Variants in CHD2 observed in about 807,000 individuals in gnomAD.
CHD2 encodes chromodomain helicase DNA binding protein 2.
CHD2 carries 28 observed loss-of-function variants against 243.9 expected under a neutral mutation model. The ratio of observed to expected loss-of-function variants is 0.11; its 90% CI spans 0.09 to 0.16. The LOEUF is 0.16. CHD2 is among the 10% of genes least tolerant of loss of function. The pLI is 1.00. For synonymous variants in CHD2, 775 were observed against 779.0 expected, an observed-to-expected ratio of 0.99 and a Z score of 0.09; for missense variants, 1,386 against 2,209.8, an observed-to-expected ratio of 0.63 and a Z score of 7.47.
intron 2 of CHD2, among the ~76,000 whole-genome samples, chr15:92,917,520 C>T (rs1234490291): frequency 6.6e-6 from 1 of 152,182 alleles, no homozygotes; most frequent in Non-Finnish European, 1.5e-5. Flanking sequence ...GAGATCACGC[C>T]ACTGCACTCC....
At chr15:92,935,462 T>C (rs2053250195) in intron 5 of CHD2, among the ~76,000 whole-genome samples, 1 of 152,250 alleles carries the variant, frequency 6.6e-6, no homozygotes, top group African/African-American at 2.4e-5. Flanking sequence ...TCTGCTATAC[T>C]TATAGAAGTG....
chr15:93,015,149 G>A (rs1269182168), intron 37 of CHD2, among the ~76,000 whole-genome samples: 1 of 152,008 alleles, frequency 6.6e-6, no homozygotes, highest in African/African-American at 2.4e-5. Context: ...CACAATCTCG[G>A]CTCACTGCAA....
chr15:92,985,752 C>A (rs372585827), intron 26 of CHD2, 79 bp downstream of exon 26: 3 of 1,439,572 alleles, frequency 2.1e-6, no homozygotes, highest in Non-Finnish European at 2.8e-6. Flanking sequence ...TCCTGGACAT[C>A]GTGACAGGGT....
At chr15:92,918,409 T>C (rs1277003546) in intron 2 of CHD2, among the ~76,000 whole-genome samples, 1 of 152,214 alleles carries the variant, frequency 6.6e-6, no homozygotes, top group Admixed American at 6.5e-5. Flanking sequence ...ATTATAAAAG[T>C]TGTTTGCAAT....
At chr15:93,009,527 C>T (rs969279871) in intron 35 of CHD2, among the ~76,000 whole-genome samples, 4 of 152,142 alleles carry the variant, frequency 2.6e-5, no homozygotes, top group South Asian at 2.1e-4. Flanking sequence ...AGGGGTAGGA[C>T]GATGTCATTA....
intron 3 of CHD2, among the ~76,000 whole-genome samples, chr15:92,925,985 A>C (rs1331838029): frequency 6.6e-6 from 1 of 152,104 alleles, no homozygotes; most frequent in African/African-American, 2.4e-5. Context: ...ATTTTTCATA[A>C]AGATGAGACA....
chr15:92,952,336 G>A (rs934922175), intron 13 of CHD2, among the ~76,000 whole-genome samples: 1 of 152,108 alleles, frequency 6.6e-6, no homozygotes, highest in South Asian at 2.1e-4. Context: ...GAGGAGGGAG[G>A]GGGATGGTTT....
At chr15:92,995,983 T>G (rs1301592988) in intron 28 of CHD2, among the ~76,000 whole-genome samples, 2 of 152,114 alleles carry the variant, frequency 1.3e-5, no homozygotes. Flanking sequence ...TCTCTAAGGG[T>G]CACTTGCATT....
At chr15:92,924,724 T>C (rs1323362850) in intron 3 of CHD2, among the ~76,000 whole-genome samples, 172 bp downstream of exon 3, 1 of 152,208 alleles carries the variant, frequency 6.6e-6, no homozygotes, top group Non-Finnish European at 1.5e-5. Context: ...CTTTCTGCTC[T>C]ATTAAGGAAA....
intron 36 of CHD2, among the ~76,000 whole-genome samples, chr15:93,013,511 GGAGAATTCAGCAA>G (rs1162720598): frequency 6.6e-6 from 1 of 152,180 alleles, no homozygotes; most frequent in African/African-American, 2.4e-5. Context: ...CCTTTCTGGA[GGAGAATTCAGCAA>G]GATTTATTAA....
In CHD2 at chr15:92,920,554, T is replaced by C. The variant is rs533460240; in HGVS notation, c.63-3767T>C. Among the ~76,000 whole-genome samples the C allele has an allele frequency of 2.0e-5, 3 of 152,344 alleles. No homozygotes were observed. In the East Asian group the frequency reaches 5.8e-4, roughly 29 times the overall value. ...CACAGAACACTATAAACATTTCTAG[T>C]TGGGCTGTTCTAGTTATCTTCAGTA... is the stretch of plus-strand genomic sequence containing the variant. On this transcript the variant is annotated intron_variant, in intron 2 of 38. Transcript: ENST00000394196.
intron 9 of CHD2, chr15:92,943,294 T>G (rs751993297): frequency 9.0e-5 from 46 of 510,542 alleles, no homozygotes; most frequent in Non-Finnish European, 1.3e-4. Flanking sequence ...TGGAGCGTTA[T>G]TCACACATTC....
chr15:92,980,549 A>G (rs755155156), intron 22 of CHD2, among the ~76,000 whole-genome samples: 36 of 152,210 alleles, frequency 2.4e-4, no homozygotes, highest in African/African-American at 8.4e-4. Context: ...GCTCCATTCT[A>G]TAACATTGCT....
chr15:93,004,443 T>G, intron 33 of CHD2, 174 bp from the exon 34 acceptor site: 1 of 494,790 alleles, frequency 2.0e-6, no homozygotes. Flanking sequence ...GTGAGTAAGC[T>G]GCTAATCAGA....
At chr15:92,930,849 C>T (rs1313134321) in intron 5 of CHD2, among the ~76,000 whole-genome samples, 1 of 152,160 alleles carries the variant, frequency 6.6e-6, no homozygotes, top group Admixed American at 6.5e-5. Context: ...CATATTGCTT[C>T]CCTACCCTAG....
intron 2 of CHD2, among the ~76,000 whole-genome samples, chr15:92,908,194 C>G (rs1481087962): frequency 6.6e-6 from 1 of 151,744 alleles, no homozygotes; most frequent in Non-Finnish European, 1.5e-5. Context: ...TCTCATTTCC[C>G]CTCTCAAGCT....
chr15:92,924,324 C>T lies in CHD2; in HGVS notation c.66C>T (p.His22=), dbSNP rs2141745833. ...DSSLHSNASS[H]SASEEASGSD... is the part of the protein sequence containing the mutation. The stretch of plus-strand genomic sequence containing the variant: ...TCTCTCTCTCTCTCAAAATAAGTCA[C>T]TCAGCCTCTGAAGAAGCTTCGGGTT... Residue 22 remains histidine (H), a synonymous_variant, in exon 3 of 39, where the codon CAC becomes CAT. Transcript: ENST00000394196. 11 of 1,613,490 alleles carry T rather than the reference C, an allele frequency of 6.8e-6. No individual in the cohort carries two copies. Among genetic ancestry groups the T allele is most frequent in the Non-Finnish European group, 9.3e-6 (11 of 1,179,754 alleles).
chr15:92,904,046 C>G (rs1381305274), intron 2 of CHD2, among the ~76,000 whole-genome samples: 1 of 152,182 alleles, frequency 6.6e-6, no homozygotes, highest in Non-Finnish European at 1.5e-5. Context: ...TGAATCTAAA[C>G]TAATAGAAAT....
chr15:92,958,011 G>A (rs1437000071), intron 16 of CHD2, among the ~76,000 whole-genome samples: 1 of 152,082 alleles, frequency 6.6e-6, no homozygotes, highest in African/African-American at 2.4e-5. Context: ...CTTTCATTGG[G>A]TAATATTTCA....
Sources: gnomAD v4.1 joint callset for allele counts (sites outside exome capture counted in the v4.1 genomes callset) on GRCh38, gnomAD v4.1.1 for gene constraint, MANE v1.5 for transcripts, NCBI Gene and HGNC (gene_info 2026-07-23, HGNC 2026-07-21) for gene names.